GLIS3: variants seen among roughly 807,000 people sequenced by gnomAD.
GLIS3 encodes the protein GLIS family zinc finger 3.
Under a neutral mutation model 78.6 loss-of-function variants are expected in GLIS3, and 53 were observed. The observed-to-expected ratio is 0.67, with a 90% CI of 0.54 to 0.85. The LOEUF (loss-of-function observed/expected upper bound fraction) is 0.85, where lower values mean the gene tolerates loss of function less well. Among genes scored for constraint, GLIS3 ranks in the 40% least tolerant of loss-of-function variants. GLIS3 has a pLI of 0.00. For missense variants in GLIS3, 1,703 were observed against 1,231.1 expected (o/e 1.38, Z -5.74); for synonymous variants, 684 against 509.9 (o/e 1.34, Z -4.60).
At chr9:4,335,007 C>A (rs1050528953) in intron 2 of GLIS3, among the ~76,000 whole-genome samples, 1 of 142,502 alleles carries the variant, frequency 7.0e-6, no homozygotes, top group African/African-American at 2.6e-5. Context: ...CTCCCGGGTT[C>A]ATGCCATTCT....
chr9:3,915,206 C>T (rs1824428301), intron 6 of GLIS3, among the ~76,000 whole-genome samples: 1 of 152,148 alleles, frequency 6.6e-6, no homozygotes, highest in African/African-American at 2.4e-5. Context: ...TATCATCTAC[C>T]ATTCCTCCTT....
intron 4 of GLIS3, among the ~76,000 whole-genome samples, chr9:4,024,878 A>C (rs1823192531): frequency 6.6e-6 from 1 of 152,168 alleles, no homozygotes. Context: ...ACAGTTCAGT[A>C]ATCTCCACAG....
At chr9:3,964,263 C>A (rs1817767635) in intron 4 of GLIS3, among the ~76,000 whole-genome samples, 1 of 152,176 alleles carries the variant, frequency 6.6e-6, no homozygotes, top group East Asian at 1.9e-4. Flanking sequence ...AAGCTCGGAG[C>A]AAGCTCATTT....
chr9:4,085,421 T>C (rs1216169802), intron 4 of GLIS3, among the ~76,000 whole-genome samples: 3 of 152,180 alleles, frequency 2.0e-5, no homozygotes, highest in Non-Finnish European at 4.4e-5. Flanking sequence ...CCTTCTGTAG[T>C]ATCTCTCAGA....
At chr9:3,975,389 C>G (rs1818694753) in intron 4 of GLIS3, among the ~76,000 whole-genome samples, 1 of 152,112 alleles carries the variant, frequency 6.6e-6, no homozygotes, top group African/African-American at 2.4e-5. Context: ...CAAAGTCATC[C>G]TAAAAGTATT....
At chr9:3,966,743 G>T (rs536658128) in intron 4 of GLIS3, among the ~76,000 whole-genome samples, 41 of 151,114 alleles carry the variant, frequency 2.7e-4, no homozygotes, top group African/African-American at 9.7e-4. Flanking sequence ...AGCTGAGATC[G>T]CGCCACTGCA....
chr9:4,181,407 A>C (rs1234180160), intron 2 of GLIS3, among the ~76,000 whole-genome samples: 1 of 152,240 alleles, frequency 6.6e-6, no homozygotes, highest in East Asian at 1.9e-4. Context: ...ACAGCCAGGT[A>C]GTCCAGAATG....
intron 8 of GLIS3, among the ~76,000 whole-genome samples, chr9:3,865,065 G>A (rs1405492384): frequency 6.6e-6 from 1 of 152,208 alleles, no homozygotes; most frequent in African/African-American, 2.4e-5. Context: ...TCCGAGGGGA[G>A]AATATGTATT....
chr9:3,856,107 G>T lies in GLIS3; in HGVS notation c.2375C>A (p.Thr792Lys). Reference sequence around the variant, plus strand: ...TGGCTGCTGGGTATAGGGAGGCTGTGTTCTTTGCAGTATTGAAGAAGGAGC... The same window carrying T: ...TGGCTGCTGGGTATAGGGAGGCTGTTTTCTTTGCAGTATTGAAGAAGGAGC... ...VPAPSSILQR[T>K]QPPYTQQPSG... The change falls in exon 9 of 11, where the codon ACA (threonine) becomes AAA (lysine). Residue 792 changes from threonine (T) to lysine (K), a missense_variant. By Grantham distance (78) the Thr-to-Lys change is moderately conservative (BLOSUM62 -1). Transcript: ENST00000381971. 1.9e-6 allele frequency: 3 copies of T among 1,614,202 alleles called. No homozygotes were observed. The highest frequency in any genetic ancestry group is 1.7e-6 in the Non-Finnish European group (2 of 1,180,024).
At chr9:3,895,520 G>C (rs1188603521) in intron 7 of GLIS3, among the ~76,000 whole-genome samples, 2 of 152,198 alleles carry the variant, frequency 1.3e-5, no homozygotes, top group Non-Finnish European at 2.9e-5. Flanking sequence ...ATGGCCTCAA[G>C]TGATATTTGG....
chr9:4,391,105 A>C, the GLIS3 span, among the ~76,000 whole-genome samples: 1 of 152,084 alleles, frequency 6.6e-6, no homozygotes, highest in Non-Finnish European at 1.5e-5. Flanking sequence ...GCCAGGATAG[A>C]AAGCCCTAGA....
intron 8 of GLIS3, among the ~76,000 whole-genome samples, chr9:3,876,506 T>G (rs1821318358): frequency 6.7e-6 from 1 of 149,652 alleles, no homozygotes; most frequent in South Asian, 2.2e-4. Flanking sequence ...TATATTGGGT[T>G]TATGTAGGAG....
chr9:4,096,009 C>CAAA (rs34499061), intron 4 of GLIS3, among the ~76,000 whole-genome samples: 2 of 103,548 alleles, frequency 1.9e-5, no homozygotes, highest in Non-Finnish European at 4.0e-5. Context: ...GTAACCTATA[C>CAAA]AAAAAAAAAA....
chr9:4,463,106 T>C, the GLIS3 span, among the ~76,000 whole-genome samples: 2 of 152,228 alleles, frequency 1.3e-5, no homozygotes, highest in Non-Finnish European at 2.9e-5. Flanking sequence ...TCAATACAGA[T>C]AGTTCTCAGG....
rs1474942116 is a variant in GLIS3 at position 3,825,323 on chromosome 9, AAAT to A, written c.*2946_*2948del. 4 of 152,156 alleles carry A rather than the reference AAAT, an allele frequency of 2.6e-5. No individual in the cohort carries two copies. The highest frequency in any genetic ancestry group is 7.2e-5 in the African/African-American group (3 of 41,446). The allele number at this position is 152,156 out of a possible 1,614,324, so 9.4% of individuals were successfully genotyped here. On this transcript the variant is annotated 3_prime_UTR_variant, in exon 11 of 11. Coordinates refer to ENST00000381971, the MANE Select transcript of GLIS3 (RefSeq NM_001042413.2). Reference sequence around the variant, plus strand: ...TACCCCACAGGACCTGTAAATATTTAAATAATATTTAACAGCTGATCAGAGGCT... The same window carrying A: ...TACCCCACAGGACCTGTAAATATTTAAATATTTAACAGCTGATCAGAGGCT...
At chr9:4,045,710 G>C (rs1222262188) in intron 4 of GLIS3, among the ~76,000 whole-genome samples, 3 of 152,046 alleles carry the variant, frequency 2.0e-5, no homozygotes. Context: ...CAGATGCCTG[G>C]AAAGAATCAG....
chr9:3,985,347 C>A (rs7022302), intron 4 of GLIS3, among the ~76,000 whole-genome samples: 1 of 152,028 alleles, frequency 6.6e-6, no homozygotes, highest in Non-Finnish European at 1.5e-5. Flanking sequence ...AGGGTTTCAC[C>A]GTGTTGCCCA....
intron 2 of GLIS3, among the ~76,000 whole-genome samples, chr9:4,134,142 G>A (rs1055262720): frequency 6.6e-6 from 1 of 152,100 alleles, no homozygotes; most frequent in Non-Finnish European, 1.5e-5. Flanking sequence ...GTGCAAACCT[G>A]TTTTATATAA....
the GLIS3 span, among the ~76,000 whole-genome samples, chr9:4,432,363 G>C: frequency 2.6e-3 from 394 of 152,248 alleles, 2 homozygotes; most frequent in Admixed American, 4.4e-3. Context: ...AAACAGAAGT[G>C]GGGGGACAGC....
Sources: gnomAD v4.1 joint callset for allele counts (sites outside exome capture counted in the v4.1 genomes callset) on GRCh38, gnomAD v4.1.1 for gene constraint, MANE v1.5 for transcripts, NCBI Gene and HGNC (gene_info 2026-07-23, HGNC 2026-07-21) for gene names.